The following PHACTR1 variants were observed in gnomAD, a reference collection of about 807,000 sequenced individuals.
The protein encoded by PHACTR1 is phosphatase and actin regulator 1.
A neutral mutation model predicts 69.2 loss-of-function variants in PHACTR1; 16 were observed. The ratio of observed to expected loss-of-function variants is 0.23; its 90% CI spans 0.16 to 0.35. The LOEUF (loss-of-function observed/expected upper bound fraction) is 0.35, where lower values mean the gene tolerates loss of function less well. Ranked by LOEUF, PHACTR1 falls within the 10% of genes least tolerant of loss-of-function variation. The pLI is 1.00. For missense variants in PHACTR1, 510 were observed against 734.7 expected, an observed-to-expected ratio of 0.69 and a Z score of 3.54; for synonymous variants, 312 against 284.5, an observed-to-expected ratio of 1.10 and a Z score of -0.97.
At chr6:13,073,379 T>C (rs1250919780) in intron 5 of PHACTR1, among the ~76,000 whole-genome samples, 1 of 126,014 alleles carries the variant, frequency 7.9e-6, no homozygotes, top group African/African-American at 2.9e-5. Context: ...AGTCTCACTC[T>C]GTCACCCAGG....
intron 5 of PHACTR1, among the ~76,000 whole-genome samples, chr6:13,121,419 A>G (rs1238154906): frequency 1.3e-5 from 2 of 152,160 alleles, no homozygotes; most frequent in South Asian, 2.1e-4. Context: ...CTTCCTTCAG[A>G]TAGGTCACGT....
rs1015240990 is a variant in PHACTR1, at chr6:12,957,806, T to C, written c.251-95559T>C. Reference sequence around the variant, plus strand: ...TGACACCCTCCCCTTCTCCATTCCATCCCACGTGGGAGCTGGTCAGCGGCC... The same window carrying C: ...TGACACCCTCCCCTTCTCCATTCCACCCCACGTGGGAGCTGGTCAGCGGCC... On this transcript the variant is annotated intron_variant, in intron 4 of 14. Transcript: ENST00000332995. The C allele has an allele frequency of 3.0e-6, 3 of 985,286 alleles. No homozygotes were observed. In the African/African-American group the frequency reaches 5.2e-5, roughly 17 times the overall value. 61.0% of individuals were successfully genotyped at this position (985,286 alleles called of 1,614,324 possible).
At chr6:13,051,219 G>T (rs1651281407) in intron 4 of PHACTR1, among the ~76,000 whole-genome samples, 1 of 151,966 alleles carries the variant, frequency 6.6e-6, no homozygotes, top group African/African-American at 2.4e-5. Context: ...TAATTTATTT[G>T]GTTTCAGTGT....
intron 7 of PHACTR1, among the ~76,000 whole-genome samples, chr6:13,198,503 A>G (rs1275189765): frequency 6.6e-6 from 1 of 152,154 alleles, no homozygotes; most frequent in East Asian, 1.9e-4. Flanking sequence ...ATTTAATTTT[A>G]CAATTGTCCT....
intron 3 of PHACTR1, among the ~76,000 whole-genome samples, chr6:12,731,135 C>T (rs1398595935): frequency 6.6e-6 from 1 of 151,916 alleles, no homozygotes; most frequent in African/African-American, 2.4e-5. Flanking sequence ...CCTGCCTCAG[C>T]CTCCTGAGTA....
At chr6:12,890,923 T>C (rs969883095) in intron 4 of PHACTR1, among the ~76,000 whole-genome samples, 10 of 152,228 alleles carry the variant, frequency 6.6e-5, no homozygotes, top group Non-Finnish European at 1.3e-4. Context: ...CAGATACCTT[T>C]GTCTATTTTG....
chr6:13,092,464 G>C (rs1186179861), intron 5 of PHACTR1, among the ~76,000 whole-genome samples: 3 of 152,220 alleles, frequency 2.0e-5, no homozygotes, highest in Non-Finnish European at 4.4e-5. Context: ...AGAATCATTT[G>C]AGATCGTCAA....
Position 12,853,065 on chromosome 6 carries a change from T to C in PHACTR1, c.250+103275T>C, listed in dbSNP as rs567320204. On this transcript the variant is annotated intron_variant, in intron 4 of 14. Coordinates refer to ENST00000332995, the MANE Select transcript of PHACTR1 (RefSeq NM_030948.6). ...ATCTTATTGCAACTTGAAGCATCGA[T>C]AATCCAGCCTTACTTCTAACCTAAG... Among the ~76,000 whole-genome samples the C allele has an allele frequency of 2.6e-5, 4 of 152,336 alleles. 1 individual carries two copies. The highest frequency in any genetic ancestry group is 2.6e-4 in the Admixed American group (4 of 15,294).
intron 10 of PHACTR1, among the ~76,000 whole-genome samples, chr6:13,268,662 A>G (rs1406108573): frequency 6.6e-6 from 1 of 152,260 alleles, no homozygotes; most frequent in Non-Finnish European, 1.5e-5. Context: ...AAATAGGTTC[A>G]GAGCAGAGCC....
At position 13,287,415 on chromosome 6, in the gene PHACTR1, A is replaced by G. The variant is rs1348745876; in HGVS notation, c.*337A>G. 9.1e-6 allele frequency: 3 copies of G among 330,350 alleles called. No homozygotes were observed. The highest frequency in any genetic ancestry group is 3.4e-5 in the South Asian group (1 of 29,260). 20.5% of individuals were successfully genotyped at this position (330,350 alleles called of 1,614,324 possible). The stretch of plus-strand genomic sequence containing the variant: ...GCCAGGCCCAGCAGGCACTACCTTC[A>G]TGAAGTCTCCAGCAAACCTCTTCCT... On this transcript the variant is annotated 3_prime_UTR_variant, in exon 15 of 15. Coordinates refer to ENST00000332995, the MANE Select transcript of PHACTR1 (RefSeq NM_030948.6).
chr6:12,988,047 C>G lies in PHACTR1; in HGVS notation c.251-65318C>G, dbSNP rs1367830745. ...GTTGGCTAGCCTGTGGCTGTGGGAA[C>G]AGTCAACTTAGCTGATCACAGGGGT... On this transcript the variant is annotated intron_variant, in intron 4 of 14. Coordinates refer to ENST00000332995, the MANE Select transcript of PHACTR1 (RefSeq NM_030948.6). Among the ~76,000 whole-genome samples the G allele has an allele frequency of 3.3e-5, 5 of 152,296 alleles. No individual in the cohort carries two copies. The South Asian group carries it at 8.3e-4, about 25-fold the overall frequency.
At chr6:13,041,358 A>G (rs895869817) in intron 4 of PHACTR1, among the ~76,000 whole-genome samples, 1 of 151,472 alleles carries the variant, frequency 6.6e-6, no homozygotes, top group African/African-American at 2.4e-5. Flanking sequence ...ACACACACAC[A>G]CACACACACA....
chr6:13,184,879 C>A (rs760755846), intron 7 of PHACTR1: 1 of 1,366,548 alleles, frequency 7.3e-7, no homozygotes, highest in Admixed American at 1.9e-5. Flanking sequence ...CCTGCTACTG[C>A]CCCCCAAAAA....
Position 12,962,383 on chromosome 6 carries a change from G to A in PHACTR1, c.251-90982G>A, listed in dbSNP as rs76851263. Among the ~76,000 whole-genome samples the A allele has an allele frequency of 6.7e-3, 1,017 of 152,288 alleles. 14 individuals are homozygous for A. Among genetic ancestry groups the A allele is most frequent in the African/African-American group, 0.023 (976 of 41,552 alleles). Reference sequence around the variant, plus strand: ...AGGGCCTCAACATATGAATTTAGGAGGGAGCACAATTTGGCCCCCAACAGC... The same window carrying A: ...AGGGCCTCAACATATGAATTTAGGAAGGAGCACAATTTGGCCCCCAACAGC... On this transcript the variant is annotated intron_variant, in intron 4 of 14. Coordinates refer to ENST00000332995, the MANE Select transcript of PHACTR1 (RefSeq NM_030948.6).
At chr6:12,809,312 G>GA (rs1774754990) in intron 4 of PHACTR1, among the ~76,000 whole-genome samples, 1 of 152,092 alleles carries the variant, frequency 6.6e-6, no homozygotes, top group South Asian at 2.1e-4. Flanking sequence ...TTATGACATT[G>GA]AAAAAATCAA....
In PHACTR1 at chr6:13,228,047, C is replaced by T; in HGVS notation, c.1218C>T (p.Asp406=). The change falls in exon 9 of 15, where the codon GAC becomes GAT. Residue 406 remains aspartate, a synonymous_variant. Coordinates refer to ENST00000332995, the MANE Select transcript of PHACTR1 (RefSeq NM_030948.6). ...EEEEEEDEDD[D]SSLYTSSLAM... ...AAGAGGAGGAGGACGAAGACGACGA[C>T]AGCTCATTATACACCAGTGCGTTCA... 1 of 1,612,528 alleles carries T rather than the reference C, an allele frequency of 6.2e-7. No homozygotes were observed. The highest frequency in any genetic ancestry group is 8.5e-7 in the Non-Finnish European group (1 of 1,179,858).
At chr6:12,744,633 G>T (rs1214842236) in intron 3 of PHACTR1, among the ~76,000 whole-genome samples, 1 of 152,102 alleles carries the variant, frequency 6.6e-6, no homozygotes, top group Non-Finnish European at 1.5e-5. Context: ...ACCCAAGAAA[G>T]AATTTGAGGC....
At chr6:13,131,300 C>T (rs1465181213) in intron 5 of PHACTR1, among the ~76,000 whole-genome samples, 1 of 151,434 alleles carries the variant, frequency 6.6e-6, no homozygotes, top group Admixed American at 6.6e-5. Context: ...TTCACAATTA[C>T]CTGGATGGAG....
chr6:12,899,692 C>T (rs1785000466), intron 4 of PHACTR1, among the ~76,000 whole-genome samples: 1 of 152,232 alleles, frequency 6.6e-6, no homozygotes, highest in South Asian at 2.1e-4. Context: ...CATCTTTATG[C>T]TTAGGATAAG....
Sources: allele counts gnomAD v4.1 joint callset (sites outside exome capture counted in the v4.1 genomes callset), GRCh38; gene constraint gnomAD v4.1.1; transcripts MANE v1.5; gene names NCBI Gene and HGNC (gene_info 2026-07-23, HGNC 2026-07-21).